Variants in PCDHA1 observed in about 807,000 individuals in gnomAD.
The protein encoded by PCDHA1 is protocadherin alpha-1.
In PCDHA1, 42 loss-of-function variants were observed where a neutral mutation model predicts 61.3. The ratio of observed to expected loss-of-function variants is 0.69; its 90% CI spans 0.54 to 0.89. The LOEUF (loss-of-function observed/expected upper bound fraction) is 0.89. Ranked by LOEUF, PCDHA1 falls within the 40% of genes least tolerant of loss-of-function variation. PCDHA1 has a pLI of 0.00. For synonymous variants in PCDHA1, 610 were observed against 553.8 expected, an observed-to-expected ratio of 1.10 and a Z score of -1.43; for missense variants, 1,256 against 1,235.3, an observed-to-expected ratio of 1.02 and a Z score of -0.25.
intron 3 of PCDHA1, among the ~76,000 whole-genome samples, chr5:141,001,534 G>A (rs2098024616): frequency 6.6e-6 from 1 of 152,180 alleles, no homozygotes; most frequent in African/African-American, 2.4e-5. Flanking sequence ...CTCTGATCCT[G>A]GACAGGATTT....
chr5:140,925,299 T>C (rs2082428309), intron 1 of PCDHA1, among the ~76,000 whole-genome samples: 1 of 152,200 alleles, frequency 6.6e-6, no homozygotes, highest in African/African-American at 2.4e-5. Context: ...GTTTCATTAT[T>C]GGGGCTTTGG....
At chr5:140,989,321 C>T (rs898791820) in intron 3 of PCDHA1, among the ~76,000 whole-genome samples, 2 of 152,296 alleles carry the variant, frequency 1.3e-5, no homozygotes, top group Non-Finnish European at 1.5e-5. Context: ...GTCTCACCAA[C>T]TTTGCCACCT....
Position 140,845,928 on chromosome 5 carries a change from A to G in PCDHA1, c.2394+57244A>G, listed in dbSNP as rs1394601950. On this transcript the variant is annotated intron_variant, in intron 1 of 3. Coordinates refer to ENST00000504120, the MANE Select transcript of PCDHA1 (RefSeq NM_018900.4). ...CATATTAATCTTATTTTTGTGTAAA[A>G]CTATCTTCTGTAAAGTCATTTTTTA... Among the ~76,000 whole-genome samples the G allele has an allele frequency of 1.3e-5, 2 of 149,652 alleles. 1 individual carries two copies. The highest frequency in any genetic ancestry group is 1.3e-4 in the Admixed American group (2 of 14,942).
intron 1 of PCDHA1, among the ~76,000 whole-genome samples, chr5:140,906,354 A>C (rs552915845): frequency 3.8e-4 from 58 of 152,336 alleles, no homozygotes; most frequent in South Asian, 1.7e-3. Context: ...GAATGCACCA[A>C]TTCCCAACCC....
chr5:140,830,290 G>C lies in PCDHA1; in HGVS notation c.2394+41606G>C, dbSNP rs2150184535. On this transcript the variant is annotated intron_variant, in intron 1 of 3. Transcript: ENST00000504120. Reference sequence around the variant, plus strand: ...CGCCACCCACCGAGGGCGCGTGCACGGCGGACAAGCCCACGCTGGTGTGCT... The same window carrying C: ...CGCCACCCACCGAGGGCGCGTGCACCGCGGACAAGCCCACGCTGGTGTGCT... 10 of 1,613,848 alleles carry C rather than the reference G, an allele frequency of 6.2e-6. No homozygotes were observed. In the African/African-American group the frequency reaches 9.3e-5, roughly 15 times the overall value.
chr5:140,836,909 C>T (rs1173581620), intron 1 of PCDHA1: 1 of 579,626 alleles, frequency 1.7e-6, no homozygotes, highest in Non-Finnish European at 2.9e-6. Context: ...TTAATATACA[C>T]TTTTGTTTTG....
At chr5:140,853,555 G>A in intron 1 of PCDHA1, 1 of 980,632 alleles carries the variant, frequency 1.0e-6, no homozygotes, top group Non-Finnish European at 1.2e-6. Context: ...TTACTATATA[G>A]GAAAAACTAA....
chr5:140,982,120 T>C (rs1554243763), intron 2 of PCDHA1, among the ~76,000 whole-genome samples: 1 of 152,256 alleles, frequency 6.6e-6, no homozygotes, highest in Non-Finnish European at 1.5e-5. Context: ...CTTGGAACTT[T>C]TGAGAACAAG....
intron 1 of PCDHA1, chr5:140,841,467 C>A: frequency 6.2e-7 from 1 of 1,612,946 alleles, no homozygotes; most frequent in Non-Finnish European, 8.5e-7. Context: ...GGCCGGATCG[C>A]GCAGGACCTG....
intron 1 of PCDHA1, chr5:140,796,085 T>A: frequency 1.2e-6 from 2 of 1,614,226 alleles, no homozygotes; most frequent in Non-Finnish European, 1.7e-6. Flanking sequence ...CTCATCACGG[T>A]GTCGGATCGC....
chr5:140,884,555 G>A (rs1554181729), intron 1 of PCDHA1: 1 of 1,614,098 alleles, frequency 6.2e-7, no homozygotes. Flanking sequence ...CTCTGGGGAG[G>A]GCCCGCATAA....
chr5:140,875,252 C>T, intron 1 of PCDHA1: 1 of 1,041,204 alleles, frequency 9.6e-7, no homozygotes, highest in East Asian at 2.7e-5. Context: ...TAATCAGTCA[C>T]ATGATGTCGC....
Position 140,786,658 on chromosome 5 carries a change from T to C in PCDHA1, c.368T>C (p.Val123Ala), listed in dbSNP as rs782257988. ...CAGGTTTTCCATGTGGAGGTGAAGG[T>C]GAAAGACATTAACGATAATCCACCC... ...PLQVFHVEVK[V>A]KDINDNPPVF... Residue 123 changes from valine (V) to alanine (A), a missense_variant, in exon 1 of 4, where the codon GTG (valine) becomes GCG (alanine). Transcript: ENST00000504120. 1 of 1,614,174 alleles carries C rather than the reference T, an allele frequency of 6.2e-7. No homozygotes were observed. Among genetic ancestry groups the C allele is most frequent in the Admixed American group, 1.7e-5 (1 of 60,020 alleles).
intron 1 of PCDHA1, 139 bp from the exon 2 acceptor site, chr5:140,978,808 TAG>T: frequency 6.7e-7 from 1 of 1,496,146 alleles, no homozygotes; most frequent in Non-Finnish European, 8.9e-7. Flanking sequence ...GATATCATCA[TAG>T]AGTTACACAT....
At chr5:140,873,260 G>A (rs1252265709) in intron 1 of PCDHA1, among the ~76,000 whole-genome samples, 2 of 152,146 alleles carry the variant, frequency 1.3e-5, no homozygotes, top group Non-Finnish European at 2.9e-5. Context: ...AGACTCAAAA[G>A]TGATTAAACC....
intron 1 of PCDHA1, among the ~76,000 whole-genome samples, chr5:140,924,578 T>C (rs80037494): frequency 0.013 from 2,025 of 152,202 alleles, 55 homozygotes; most frequent in Admixed American, 0.052. Flanking sequence ...TTAAATGTTT[T>C]CAAATATTAT....
Position 140,848,391 on chromosome 5 carries a change from G to A in PCDHA1, c.2394+59707G>A. ...GGCTCAATTCTTTTTCACTCTCTCTGTGCTGAACGATGGCGAACACAGCAG... is the reference window on the plus strand; with the variant it reads ...GGCTCAATTCTTTTTCACTCTCTCTATGCTGAACGATGGCGAACACAGCAG... On this transcript the variant is annotated intron_variant, in intron 1 of 3. Coordinates refer to ENST00000504120, the MANE Select transcript of PCDHA1 (RefSeq NM_018900.4). The A allele has an allele frequency of 2.4e-6, 3 of 1,246,922 alleles. No homozygotes were observed. In the South Asian group the frequency reaches 4.3e-5, roughly 18 times the overall value. 77.2% of individuals were successfully genotyped at this position (1,246,922 alleles called of 1,614,324 possible).
intron 1 of PCDHA1, chr5:140,870,432 G>T (rs368823990): frequency 4.3e-6 from 7 of 1,614,134 alleles, no homozygotes; most frequent in Non-Finnish European, 5.1e-6. Flanking sequence ...TATCCGTGGA[G>T]GTGGCCGACG....
At chr5:140,879,864 T>C (rs2058152773) in intron 1 of PCDHA1, among the ~76,000 whole-genome samples, 1 of 152,226 alleles carries the variant, frequency 6.6e-6, no homozygotes, top group Admixed American at 6.5e-5. Flanking sequence ...CCTTCTCAGC[T>C]TTCATGGTCA....
Sources: allele counts gnomAD v4.1 joint callset (sites outside exome capture counted in the v4.1 genomes callset), GRCh38; gene constraint gnomAD v4.1.1; transcripts MANE v1.5; gene names NCBI Gene and HGNC (gene_info 2026-07-23, HGNC 2026-07-21).